TANC1: variants seen among roughly 807,000 people sequenced by gnomAD.
The protein encoded by TANC1 is protein TANC1.
A neutral mutation model predicts 149.7 loss-of-function variants in TANC1; 77 were observed. The ratio of observed to expected loss-of-function variants is 0.51; its 90% CI spans 0.43 to 0.62. TANC1 has a LOEUF of 0.62. Among genes scored for constraint, TANC1 ranks in the 20% least tolerant of loss-of-function variants. The pLI, the probability that TANC1 is intolerant of heterozygous loss-of-function variation, is 0.00. For missense variants in TANC1, 1,985 were observed against 2,321.8 expected, an observed-to-expected ratio of 0.85 and a Z score of 2.98; for synonymous variants, 854 against 925.0, an observed-to-expected ratio of 0.92 and a Z score of 1.39.
chr2:159,052,854 G>A (rs2041570206), intron 2 of TANC1, among the ~76,000 whole-genome samples: 1 of 152,218 alleles, frequency 6.6e-6, no homozygotes, highest in South Asian at 2.1e-4. Context: ...AACTGCAGTA[G>A]TTATAAAACC....
intron 2 of TANC1, among the ~76,000 whole-genome samples, chr2:159,027,892 A>G (rs904966715): frequency 5.3e-5 from 8 of 152,142 alleles, no homozygotes; most frequent in African/African-American, 1.9e-4. Flanking sequence ...TTCCTGCTTC[A>G]TAACGTGGTA....
At chr2:159,138,571 C>G (rs1377358459) in intron 5 of TANC1, among the ~76,000 whole-genome samples, 1 of 152,092 alleles carries the variant, frequency 6.6e-6, no homozygotes, top group Non-Finnish European at 1.5e-5. Context: ...GAGTGTTAAC[C>G]CAGGTGTGTA....
rs1258609080 is a variant in TANC1 at position 159,228,811 on chromosome 2, G to A, written c.4066G>A (p.Glu1356Lys). ...TCGACACCAGGACTTTGGCATGGCA[G>A]AGGAATTTGCTTCCAAGGCTCTCGA... ...RRKTNDFGMA[E>K]EFASKALELK... Residue 1356 changes from glutamate (E) to lysine (K), a missense_variant, in exon 26 of 27, where the codon GAG becomes AAG. By Grantham distance (56) the Glu-to-Lys change is moderately conservative (BLOSUM62 1). This residue lies in a region of TANC1 where 920 missense variants were observed against 994.7 expected (regional missense o/e 0.92). Coordinates refer to ENST00000263635, the MANE Select transcript of TANC1 (RefSeq NM_033394.3). 1 of 1,614,106 alleles carries A rather than the reference G, an allele frequency of 6.2e-7. No individual in the cohort carries two copies. The highest frequency in any genetic ancestry group is 8.5e-7 in the Non-Finnish European group (1 of 1,179,938).
rs1390058096 is a variant in TANC1, at chr2:158,981,538, TATATAA to T, written c.-126+12758_-126+12763del. On this transcript the variant is annotated intron_variant, in intron 1 of 26. Coordinates refer to ENST00000263635, the MANE Select transcript of TANC1 (RefSeq NM_033394.3). ...ATATATATATATATATATATATATA[TATATAA>T]AGAAGTAACAGCTTAGAGTTTAAAA... is the stretch of plus-strand genomic sequence containing the variant. Among the ~76,000 whole-genome samples the T allele has an allele frequency of 1.5e-3, 137 of 90,752 alleles. 2 individuals carry two copies. The highest frequency in any genetic ancestry group is 0.013 in the Middle Eastern group (2 of 158). The allele number at this position is 90,752 out of a possible 152,430, so 59.5% of individuals were successfully genotyped here.
Position 159,227,880 on chromosome 2 carries a change from AAGGATTCGGAG to A in TANC1, c.3970_3980del (p.Phe1324HisfsTer6). 1.2e-6 allele frequency: 2 copies of A among 1,614,162 alleles called. No homozygotes were observed. Among genetic ancestry groups the A allele is most frequent in the Non-Finnish European group, 1.7e-6 (2 of 1,180,000 alleles). On this transcript the variant is annotated frameshift_variant, in exon 25 of 27. Coordinates refer to ENST00000263635, the MANE Select transcript of TANC1 (RefSeq NM_033394.3). LOFTEE classifies it high-confidence loss of function. ...TATGCCTTAAGAAAGTTTCCTCGAG[AAGGATTCGGAG>A]AGGACATGAGACCCTTCAATGAATT...
intron 2 of TANC1, among the ~76,000 whole-genome samples, chr2:159,032,713 T>C (rs2039882868): frequency 6.6e-6 from 1 of 152,072 alleles, no homozygotes; most frequent in Admixed American, 6.6e-5. Flanking sequence ...CCTGTTAGAA[T>C]TGAATCTGAA....
At chr2:159,097,856 T>G (rs763630024) in intron 4 of TANC1, 22 bp downstream of exon 4, 111 of 1,604,068 alleles carry the variant, frequency 6.9e-5, no homozygotes, top group South Asian at 3.1e-4. Flanking sequence ...ATGAAGGAGC[T>G]GCCTTGGTTA....
intron 7 of TANC1, among the ~76,000 whole-genome samples, chr2:159,152,553 G>A (rs929498373): frequency 6.7e-6 from 1 of 149,168 alleles, no homozygotes; most frequent in Non-Finnish European, 1.5e-5. Context: ...GTGCAGTGGT[G>A]CAATTGTAGC....
rs1242641151 is a variant in TANC1, at chr2:159,227,825, A to G, written c.3910A>G (p.Lys1304Glu). 1 of 1,613,090 alleles carries G rather than the reference A, an allele frequency of 6.2e-7. No homozygotes were observed. Among genetic ancestry groups the G allele is most frequent in the East Asian group, 2.2e-5 (1 of 44,890 alleles). The change falls in exon 25 of 27, where the codon AAA becomes GAA. Residue 1304 changes from lysine (K) to glutamate (E), a missense_variant. Around this residue, in one of 3 missense-constraint regions of TANC1, gnomAD observed 920 missense variants for 994.7 expected, o/e 0.92. Coordinates refer to ENST00000263635, the MANE Select transcript of TANC1 (RefSeq NM_033394.3). ...TGTGATTTTTGAATCCTAGAAAGGG[A>G]AAATGAAAGAGGCAGCCCAGAGGTA... ...EEGNVMYKKGKMKEAAQRYQY... is the reference protein window; with the variant it reads ...EEGNVMYKKGEMKEAAQRYQY...
chr2:159,077,223 A>G (rs2043789977), intron 3 of TANC1, among the ~76,000 whole-genome samples: 1 of 152,120 alleles, frequency 6.6e-6, no homozygotes, highest in African/African-American at 2.4e-5. Context: ...CACCTGGCTA[A>G]CTTTTAAATT....
At chr2:159,000,640 T>C (rs186143141) in intron 1 of TANC1, among the ~76,000 whole-genome samples, 1 of 151,772 alleles carries the variant, frequency 6.6e-6, no homozygotes, top group Non-Finnish European at 1.5e-5. Context: ...AGGGGGTGAT[T>C]GGTGGTGGAG....
chr2:159,008,804 C>A (rs1354106753), intron 2 of TANC1, among the ~76,000 whole-genome samples: 2 of 152,108 alleles, frequency 1.3e-5, no homozygotes, highest in Non-Finnish European at 2.9e-5. Context: ...ATCTTAGAGA[C>A]AAAGTATTCG....
At chr2:158,971,122 A>G (rs1489035896) in intron 1 of TANC1, among the ~76,000 whole-genome samples, 1 of 152,142 alleles carries the variant, frequency 6.6e-6, no homozygotes, top group Non-Finnish European at 1.5e-5. Flanking sequence ...TGAGGGCATA[A>G]TTTTAGAGAC....
chr2:158,970,606 A>G (rs913697507), intron 1 of TANC1, among the ~76,000 whole-genome samples: 4 of 152,210 alleles, frequency 2.6e-5, no homozygotes, highest in South Asian at 4.1e-4. Flanking sequence ...CATCATAAAT[A>G]TATCCTGGTG....
intron 19 of TANC1, among the ~76,000 whole-genome samples, chr2:159,199,551 C>T (rs751084419): frequency 7.9e-5 from 12 of 152,218 alleles, no homozygotes; most frequent in Non-Finnish European, 1.0e-4. Context: ...TGCAAGCTAT[C>T]GGGTCATTTC....
chr2:159,172,368 C>T (rs1441004564), intron 11 of TANC1, 96 bp downstream of exon 11: 4 of 1,105,852 alleles, frequency 3.6e-6, no homozygotes, highest in Non-Finnish European at 5.2e-6. Flanking sequence ...AAAACAGAGA[C>T]AACTGCTTAA....
intron 16 of TANC1, among the ~76,000 whole-genome samples, chr2:159,187,228 G>A (rs528982264): frequency 1.3e-5 from 2 of 152,354 alleles, no homozygotes; most frequent in Admixed American, 1.3e-4. Context: ...GCAGGAAGAT[G>A]TGGGTGGTCA....
intron 7 of TANC1, among the ~76,000 whole-genome samples, chr2:159,159,727 A>T (rs571147376): frequency 0.6 from 63,077 of 104,920 alleles, 16,273 homozygotes; most frequent in Non-Finnish European, 0.69. Flanking sequence ...TGAGAGAGAG[A>T]GAGAGAGAGA....
intron 3 of TANC1, among the ~76,000 whole-genome samples, chr2:159,096,785 C>A (rs2046185837): frequency 6.6e-6 from 1 of 152,084 alleles, no homozygotes; most frequent in African/African-American, 2.4e-5. Flanking sequence ...GAGCAGGTAA[C>A]CAGGGAACAG....
Sources: gnomAD v4.1 joint callset for allele counts (sites outside exome capture counted in the v4.1 genomes callset) on GRCh38, gnomAD v4.1.1 for gene constraint, gnomAD v4.1.1 regional missense constraint, MANE v1.5 for transcripts, NCBI Gene and HGNC (gene_info 2026-07-23, HGNC 2026-07-21) for gene names.